Variants in NEK7 observed in about 807,000 individuals in gnomAD.
NEK7 encodes the protein NIMA related kinase 7.
NEK7 carries 18 observed loss-of-function variants against 44.6 expected under a neutral mutation model. That is an observed-to-expected ratio of 0.40 (90% CI 0.28 to 0.60). The LOEUF (loss-of-function observed/expected upper bound fraction) is 0.60. Ranked by LOEUF, NEK7 falls within the 20% of genes least tolerant of loss-of-function variation. NEK7 has a pLI of 0.38. For synonymous variants in NEK7, 130 were observed against 121.1 expected (o/e 1.07, Z -0.48); for missense variants, 256 against 366.5 (o/e 0.70, Z 2.46).
At chr1:198,197,704 G>C (rs945503180) in intron 1 of NEK7, 1 of 489,396 alleles carries the variant, frequency 2.0e-6, no homozygotes, top group South Asian at 2.0e-5. Flanking sequence ...ACTTTCCCCT[G>C]GTACAATATG....
At chr1:198,233,384 A>G (rs1666456903) in intron 2 of NEK7, among the ~76,000 whole-genome samples, 1 of 152,194 alleles carries the variant, frequency 6.6e-6, no homozygotes, top group Non-Finnish European at 1.5e-5. Flanking sequence ...GTGTAATGAC[A>G]TGTTTAAAAT....
chr1:198,280,466 G>T (rs1002743704), intron 7 of NEK7, among the ~76,000 whole-genome samples: 2 of 152,036 alleles, frequency 1.3e-5, no homozygotes, highest in African/African-American at 4.8e-5. Flanking sequence ...TGAGCCTGCT[G>T]TAGTTATCCA....
intron 1 of NEK7, among the ~76,000 whole-genome samples, chr1:198,169,069 A>G (rs1215892654): frequency 6.6e-6 from 1 of 152,208 alleles, no homozygotes; most frequent in Non-Finnish European, 1.5e-5. Flanking sequence ...CATAATTTAT[A>G]GTTTAAAAGT....
At chr1:198,170,055 A>C (rs1664391393) in intron 1 of NEK7, among the ~76,000 whole-genome samples, 1 of 152,060 alleles carries the variant, frequency 6.6e-6, no homozygotes, top group Non-Finnish European at 1.5e-5. Context: ...AATGCCAGGC[A>C]CACGTCTCTG....
At chr1:198,225,859 A>T (rs1666206814) in intron 1 of NEK7, among the ~76,000 whole-genome samples, 1 of 152,072 alleles carries the variant, frequency 6.6e-6, no homozygotes, top group Non-Finnish European at 1.5e-5. Flanking sequence ...TTTTGCTCGA[A>T]GATTGGTTGC....
chr1:198,229,553 C>T (rs143265564), intron 1 of NEK7, among the ~76,000 whole-genome samples: 4 of 152,180 alleles, frequency 2.6e-5, no homozygotes, highest in Admixed American at 6.5e-5. Flanking sequence ...TTGCTATCTC[C>T]AGGAAGATAG....
chr1:198,169,785 C>T (rs1664381588), intron 1 of NEK7, among the ~76,000 whole-genome samples: 1 of 152,234 alleles, frequency 6.6e-6, no homozygotes, highest in South Asian at 2.1e-4. Context: ...CTTCTTTAAG[C>T]CGTTAGTACT....
chr1:198,225,315 A>G (rs1205148687), intron 1 of NEK7, among the ~76,000 whole-genome samples: 1 of 151,964 alleles, frequency 6.6e-6, no homozygotes, highest in African/African-American at 2.4e-5. Context: ...TTAAATAGAA[A>G]AGGGAACTTA....
At chr1:198,249,399 T>C (rs1571570876) in intron 2 of NEK7, among the ~76,000 whole-genome samples, 1 of 151,952 alleles carries the variant, frequency 6.6e-6, no homozygotes, top group African/African-American at 2.4e-5. Flanking sequence ...CCTTTGGGTA[T>C]ATACCCAGTA....
chr1:198,265,175 G>A (rs1324016331), intron 5 of NEK7, among the ~76,000 whole-genome samples: 1 of 151,966 alleles, frequency 6.6e-6, no homozygotes, highest in East Asian at 1.9e-4. Flanking sequence ...AGTGCTGCCT[G>A]TCACACAACA....
chr1:198,319,524 C>T lies in NEK7; in HGVS notation c.*2C>T, dbSNP rs777376098. 3.1e-6 allele frequency: 5 copies of T among 1,606,126 alleles called. No individual in the cohort carries two copies. The South Asian group carries it at 5.6e-5, about 18-fold the overall frequency. On this transcript the variant is annotated 3_prime_UTR_variant, in exon 10 of 10. Coordinates refer to ENST00000367385, the MANE Select transcript of NEK7 (RefSeq NM_133494.3). ...CATGCATGCACTGCAAGCAGCTAAA[C>T]ATGCAAGATCATGAAGAGTGTAACC...
intron 3 of NEK7, among the ~76,000 whole-genome samples, chr1:198,259,942 T>G (rs2102942081): frequency 6.6e-6 from 1 of 152,318 alleles, no homozygotes; most frequent in South Asian, 2.1e-4. Flanking sequence ...TTTGAACAAG[T>G]AGCACTTACA....
chr1:198,210,016 T>C (rs1254277126), intron 1 of NEK7, among the ~76,000 whole-genome samples: 1 of 152,194 alleles, frequency 6.6e-6, no homozygotes, highest in Non-Finnish European at 1.5e-5. Flanking sequence ...CAGGCTGGTC[T>C]TAAACTTCTG....
At chr1:198,276,360 C>G (rs1654018190) in intron 5 of NEK7, among the ~76,000 whole-genome samples, 1 of 151,574 alleles carries the variant, frequency 6.6e-6, no homozygotes, top group African/African-American at 2.4e-5. Context: ...GAAAAGAAAC[C>G]TGGTCCCCAT....
At chr1:198,251,943 T>C (rs899141019) in intron 2 of NEK7, among the ~76,000 whole-genome samples, 1 of 152,200 alleles carries the variant, frequency 6.6e-6, no homozygotes, top group African/African-American at 2.4e-5. Context: ...CTTTTGCTTT[T>C]CTAGTTCTTT....
At chr1:198,189,374 C>G in intron 1 of NEK7, among the ~76,000 whole-genome samples, 1 of 152,044 alleles carries the variant, frequency 6.6e-6, no homozygotes, top group South Asian at 2.1e-4. Flanking sequence ...TTGCATCTTT[C>G]GAGTTAAAAG....
chr1:198,259,389 T>C (rs1474776883), intron 3 of NEK7, among the ~76,000 whole-genome samples: 2 of 152,196 alleles, frequency 1.3e-5, no homozygotes, highest in Admixed American at 6.5e-5. Flanking sequence ...TTCTTCATTT[T>C]AATTACTGGT....
intron 1 of NEK7, among the ~76,000 whole-genome samples, chr1:198,186,848 A>G (rs1447072644): frequency 6.6e-6 from 1 of 152,168 alleles, no homozygotes; most frequent in Non-Finnish European, 1.5e-5. Context: ...AAATTAAGTA[A>G]AGTCCCAGAC....
chr1:198,277,397 G>A (rs555727326), intron 5 of NEK7, among the ~76,000 whole-genome samples: 1 of 151,776 alleles, frequency 6.6e-6, no homozygotes, highest in Non-Finnish European at 1.5e-5. Context: ...TTCTTCCATG[G>A]AGTTTAGTTT....
Sources: gnomAD v4.1 joint callset for allele counts (sites outside exome capture counted in the v4.1 genomes callset) on GRCh38, gnomAD v4.1.1 for gene constraint, MANE v1.5 for transcripts, NCBI Gene and HGNC (gene_info 2026-07-23, HGNC 2026-07-21) for gene names.